The following MCM3AP variants were observed in gnomAD, a reference collection of about 807,000 sequenced individuals.
The protein encoded by MCM3AP is minichromosome maintenance complex component 3 associated protein, also known as germinal-center associated nuclear protein.
A neutral mutation model predicts 184.1 loss-of-function variants in MCM3AP; 126 were observed. That is an observed-to-expected ratio of 0.68 (90% CI 0.59 to 0.79). The LOEUF is 0.79. MCM3AP is among the 30% of genes least tolerant of loss of function. The pLI, the probability that MCM3AP is intolerant of heterozygous loss-of-function variation, is 0.00. For synonymous variants in MCM3AP, 1,002 were observed against 979.3 expected, an observed-to-expected ratio of 1.02 and a Z score of -0.43; for missense variants, 2,496 against 2,479.2, an observed-to-expected ratio of 1.01 and a Z score of -0.14.
intron 26 of MCM3AP, among the ~76,000 whole-genome samples, chr21:46,240,518 C>G (rs1278642149): frequency 6.6e-6 from 1 of 152,156 alleles, no homozygotes; most frequent in Non-Finnish European, 1.5e-5. Flanking sequence ...TCAGCACTCA[C>G]CATCTTCTGA....
intron 17 of MCM3AP, 89 bp downstream of exon 17, chr21:46,256,700 C>A (rs1169654620): frequency 1.4e-6 from 2 of 1,445,410 alleles, no homozygotes; most frequent in Non-Finnish European, 1.9e-6. Flanking sequence ...CCTATCTTCA[C>A]CCTCCAAACA....
At chr21:46,268,173 G>A (rs2081137011) in intron 9 of MCM3AP, 1 of 152,046 alleles carries the variant, frequency 6.6e-6, no homozygotes, top group African/African-American at 2.4e-5. Context: ...CTCCAGCCTG[G>A]GTGACAAAGT....
intron 4 of MCM3AP, 44 bp downstream of exon 4, chr21:46,279,949 C>T (rs750701309): frequency 6.3e-7 from 1 of 1,579,684 alleles, no homozygotes; most frequent in South Asian, 1.1e-5. Context: ...GGCGCTATTT[C>T]CTGGTCCTTC....
chr21:46,276,335 TATG>T (rs1415672690), intron 5 of MCM3AP, among the ~76,000 whole-genome samples: 1 of 152,104 alleles, frequency 6.6e-6, no homozygotes, highest in Non-Finnish European at 1.5e-5. Flanking sequence ...GTATCAATGA[TATG>T]ATGTTTGATG....
At chr21:46,253,557 T>A (rs1056856795) in intron 19 of MCM3AP, 1 of 152,044 alleles carries the variant, frequency 6.6e-6, no homozygotes, top group Non-Finnish European at 1.5e-5. Context: ...TGGTTAAGTG[T>A]GTGACAACTC....
chr21:46,273,250 C>T (rs745605893), intron 7 of MCM3AP, 138 bp downstream of exon 7: 2 of 813,794 alleles, frequency 2.5e-6, no homozygotes, highest in Non-Finnish European at 3.9e-6. Flanking sequence ...GCTGGGATTA[C>T]AGGCCTGAGC....
rs139464961 is a variant in MCM3AP, at chr21:46,268,412, T to C, written c.2629-1270A>G. Among the ~76,000 whole-genome samples the C allele has an allele frequency of 3.4e-3, 515 of 152,362 alleles. 5 individuals are homozygous for C. The highest frequency in any genetic ancestry group is 0.012 in the African/African-American group (483 of 41,584). ...CAACAGTGAACAAAAACACAATCCC[T>C]GTCCCCACATAGCTGACATGCCAGG... On this transcript the variant is annotated intron_variant, in intron 9 of 27. Coordinates refer to ENST00000291688, the MANE Select transcript of MCM3AP (RefSeq NM_003906.5).
rs759035660 is a variant in MCM3AP at position 46,244,994 on chromosome 21, C to T, written c.4851G>A (p.Gln1617=). 10 of 1,614,124 alleles carry T rather than the reference C, an allele frequency of 6.2e-6. No homozygotes were observed. The highest frequency in any genetic ancestry group is 1.3e-5 in the African/African-American group (1 of 74,940). The change falls in exon 23 of 28, where the codon CAG becomes CAA. Residue 1617 remains glutamine (Q), a synonymous_variant. Transcript: ENST00000291688. ...CAGAGGACACCACAGAAGCCAGGAACTGCAGCACACTGTTAAACAGCTCAA... is the reference window on the plus strand; with the variant it reads ...CAGAGGACACCACAGAAGCCAGGAATTGCAGCACACTGTTAAACAGCTCAA... ...AIIELFNSVL[Q]FLASVVSSEQ... is the part of the protein sequence containing the mutation.
chr21:46,258,220 A>G (rs535004970), intron 16 of MCM3AP, among the ~76,000 whole-genome samples: 23 of 152,316 alleles, frequency 1.5e-4, no homozygotes, highest in African/African-American at 5.5e-4. Flanking sequence ...AGGAAGACTC[A>G]CTTCTCCCCA....
At chr21:46,253,183 C>A (rs150766883) in intron 19 of MCM3AP, 25 of 152,254 alleles carry the variant, frequency 1.6e-4, no homozygotes, top group African/African-American at 5.3e-4. Flanking sequence ...AATATGACTT[C>A]TGTATGCTAT....
At chr21:46,274,165 G>A (rs1416270331) in intron 6 of MCM3AP, among the ~76,000 whole-genome samples, 5 of 152,220 alleles carry the variant, frequency 3.3e-5, no homozygotes, top group Non-Finnish European at 5.9e-5. Context: ...TGGGGACCCC[G>A]CACCAGGCGA....
At chr21:46,277,792 C>T in intron 4 of MCM3AP, 75 bp from the exon 5 acceptor site, 2 of 855,164 alleles carry the variant, frequency 2.3e-6, no homozygotes, top group Non-Finnish European at 3.5e-6. Context: ...TGAACACGTC[C>T]CCTCATCTTT....
At chr21:46,279,533 A>C (rs987328395) in intron 4 of MCM3AP, among the ~76,000 whole-genome samples, 1 of 152,262 alleles carries the variant, frequency 6.6e-6, no homozygotes, top group Non-Finnish European at 1.5e-5. Flanking sequence ...TGCTGTCCTA[A>C]GTGAGCAGCC....
At chr21:46,281,903 G>A (rs1300385896) in intron 2 of MCM3AP, among the ~76,000 whole-genome samples, 5 of 152,014 alleles carry the variant, frequency 3.3e-5, no homozygotes, top group Non-Finnish European at 7.4e-5. Flanking sequence ...GAGGCTGAGG[G>A]AGGAGAATCG....
chr21:46,253,649 G>A (rs1410342925), intron 19 of MCM3AP: 1 of 151,932 alleles, frequency 6.6e-6, no homozygotes, highest in Non-Finnish European at 1.5e-5. Flanking sequence ...TGTCATGATA[G>A]TGAGCTCTCA....
At chr21:46,268,315 A>G (rs1569073903) in intron 9 of MCM3AP, among the ~76,000 whole-genome samples, 1 of 152,210 alleles carries the variant, frequency 6.6e-6, no homozygotes. Context: ...TCCTCTTCCG[A>G]TGTTCTTTAA....
At chr21:46,253,230 T>C (rs1202738785) in intron 19 of MCM3AP, 3 of 152,242 alleles carry the variant, frequency 2.0e-5, no homozygotes, top group Non-Finnish European at 4.4e-5. Context: ...AATTTTTTCT[T>C]TTTTAAAATG....
At chr21:46,276,740 AT>A (rs34562786) in intron 5 of MCM3AP, among the ~76,000 whole-genome samples, 7,983 of 131,300 alleles carry the variant, frequency 0.061, 299 homozygotes, top group Non-Finnish European at 0.091. Flanking sequence ...CACGCCCAGC[AT>A]TTTTTTTTTT....
intron 6 of MCM3AP, among the ~76,000 whole-genome samples, chr21:46,274,280 G>A (rs191893770): frequency 6.6e-5 from 10 of 152,352 alleles, no homozygotes; most frequent in Admixed American, 2.6e-4. Flanking sequence ...AACAATTTGG[G>A]AAGATACATG....
Sources: allele counts gnomAD v4.1 joint callset (sites outside exome capture counted in the v4.1 genomes callset), GRCh38; gene constraint gnomAD v4.1.1; transcripts MANE v1.5; gene names NCBI Gene and HGNC (gene_info 2026-07-23, HGNC 2026-07-21).